Variants in COL26A1 observed in about 807,000 individuals in gnomAD.
The protein encoded by COL26A1 is collagen type XXVI alpha 1 chain.
COL26A1 carries 41 observed loss-of-function variants against 59.3 expected under a neutral mutation model. The observed-to-expected ratio is 0.69, with a 90% CI of 0.54 to 0.90. COL26A1 has a LOEUF of 0.90. COL26A1 is among the 40% of genes least tolerant of loss of function. The pLI is 0.00. For synonymous variants in COL26A1, 266 were observed against 256.0 expected (o/e 1.04, Z -0.37); for missense variants, 612 against 602.3 (o/e 1.02, Z -0.17).
intron 3 of COL26A1, among the ~76,000 whole-genome samples, chr7:101,492,402 A>G (rs1330886681): frequency 6.6e-6 from 1 of 152,030 alleles, no homozygotes; most frequent in Non-Finnish European, 1.5e-5. Context: ...TTATTTTTTA[A>G]AATAGAGTTG....
rs182947998 is a variant in COL26A1, at chr7:101,478,308, C to T, written c.385+30521C>T. Among the ~76,000 whole-genome samples, 26 of 152,324 alleles carry T rather than the reference C, an allele frequency of 1.7e-4. No homozygotes were observed. The East Asian group carries it at 4.8e-3, about 28-fold the overall frequency. On this transcript the variant is annotated intron_variant, in intron 3 of 12. Transcript: ENST00000313669. ...TTGATATCTTTTAAGAAAACACAAA[C>T]CTTTCTGTGACTTGAGGTGCGGTTT...
intron 2 of COL26A1, among the ~76,000 whole-genome samples, chr7:101,427,740 A>G (rs1792681801): frequency 6.6e-6 from 1 of 152,038 alleles, no homozygotes; most frequent in South Asian, 2.1e-4. Context: ...TCCTGGCCTC[A>G]AGTGATCCAC....
At chr7:101,446,118 C>T (rs544657415) in intron 2 of COL26A1, among the ~76,000 whole-genome samples, 13 of 148,970 alleles carry the variant, frequency 8.7e-5, no homozygotes, top group African/African-American at 2.9e-4. Flanking sequence ...CCAGATGTCA[C>T]GTGAACTGAG....
At chr7:101,452,147 T>A (rs1407881914) in intron 3 of COL26A1, among the ~76,000 whole-genome samples, 1 of 152,190 alleles carries the variant, frequency 6.6e-6, no homozygotes, top group East Asian at 1.9e-4. Context: ...CATGAGATAG[T>A]GCTGTAGCCT....
At chr7:101,432,594 G>T (rs1023509875) in intron 2 of COL26A1, among the ~76,000 whole-genome samples, 2 of 152,196 alleles carry the variant, frequency 1.3e-5, no homozygotes, top group Admixed American at 6.6e-5. Context: ...CCATCCATAG[G>T]GAAAGGGTAT....
At chr7:101,477,454 G>A (rs1386754445) in intron 3 of COL26A1, among the ~76,000 whole-genome samples, 1 of 152,180 alleles carries the variant, frequency 6.6e-6, no homozygotes, top group Non-Finnish European at 1.5e-5. Flanking sequence ...TCTTGGGCTG[G>A]TTGGATCTGC....
intron 1 of COL26A1, among the ~76,000 whole-genome samples, chr7:101,406,412 G>A (rs1792130313): frequency 6.6e-6 from 1 of 152,206 alleles, no homozygotes; most frequent in African/African-American, 2.4e-5. Flanking sequence ...ATGAGTGATG[G>A]ACAGGAACAG....
At chr7:101,454,418 C>A (rs1762711005) in intron 3 of COL26A1, among the ~76,000 whole-genome samples, 1 of 151,892 alleles carries the variant, frequency 6.6e-6, no homozygotes, top group Non-Finnish European at 1.5e-5. Context: ...GCCACCACAC[C>A]CAGCTAATTT....
rs1013278369 is a variant in COL26A1, at chr7:101,551,053, C to T, written c.994-55C>T. ...CGGGGAGGGGGGTGGCCAGAGGGCA[C>T]TGGAGACTTGGCCAGGACCGGCAGG... On this transcript the variant is annotated intron_variant, in intron 9 of 12. Coordinates refer to ENST00000313669, the MANE Select transcript of COL26A1 (RefSeq NM_001278563.3). 2.3e-5 allele frequency: 35 copies of T among 1,542,916 alleles called. No individual in the cohort carries two copies. In the Middle Eastern group the frequency reaches 6.7e-4, roughly 29 times the overall value.
At chr7:101,482,319 C>G (rs1794174162) in intron 3 of COL26A1, among the ~76,000 whole-genome samples, 1 of 152,118 alleles carries the variant, frequency 6.6e-6, no homozygotes, top group African/African-American at 2.4e-5. Context: ...CCTTCTTTTT[C>G]CTTTTTATTG....
At chr7:101,414,514 T>C (rs1411726297) in intron 1 of COL26A1, among the ~76,000 whole-genome samples, 1 of 151,946 alleles carries the variant, frequency 6.6e-6, no homozygotes, top group African/African-American at 2.4e-5. Context: ...CTCGGCTCAC[T>C]GCAACCTCTA....
chr7:101,491,083 A>G (rs537413151), intron 3 of COL26A1, among the ~76,000 whole-genome samples: 3 of 148,314 alleles, frequency 2.0e-5, no homozygotes, highest in Non-Finnish European at 4.5e-5. Context: ...GTGTGAGGCA[A>G]AAAAAAAAAG....
chr7:101,552,440 C>T (rs1421084184), intron 10 of COL26A1, among the ~76,000 whole-genome samples: 3 of 151,964 alleles, frequency 2.0e-5, no homozygotes, highest in Non-Finnish European at 2.9e-5. Flanking sequence ...TGAGACCCAC[C>T]CCCATCTCTA....
intron 1 of COL26A1, among the ~76,000 whole-genome samples, chr7:101,401,600 GAGT>G (rs1204472344): frequency 1.5e-4 from 22 of 150,876 alleles, no homozygotes; most frequent in African/African-American, 5.1e-4. Context: ...GGAAGAGGAA[GAGT>G]AGGAGGAAGA....
intron 3 of COL26A1, among the ~76,000 whole-genome samples, chr7:101,473,181 G>A (rs918335737): frequency 2.0e-5 from 3 of 151,632 alleles, no homozygotes; most frequent in South Asian, 2.1e-4. Context: ...CTGGGTTCAC[G>A]CCATTCTTCC....
At position 101,539,949 on chromosome 7, in the gene COL26A1, C is replaced by T. The variant is rs781088081; in HGVS notation, c.504C>T (p.Ala168=). 1.2e-6 allele frequency: 2 copies of T among 1,613,788 alleles called. No individual in the cohort carries two copies. The highest frequency in any genetic ancestry group is 1.7e-5 in the Admixed American group (1 of 60,014). ...RPSSPDNDLP[A]PESTPPTWNE... ...CCAGCCCGGACAACGACCTGCCAGC[C>T]CCCGAGAGCACTCCGCCGACCTGGA... Residue 168 remains alanine (A), a synonymous_variant, in exon 5 of 13, where the codon GCC becomes GCT. Transcript: ENST00000313669.
intron 10 of COL26A1, 124 bp downstream of exon 10, chr7:101,551,267 A>G (rs1036258990): frequency 2.0e-6 from 2 of 1,020,484 alleles, no homozygotes; most frequent in Non-Finnish European, 2.9e-6. Context: ...GCTGGAGCTC[A>G]GGCAACAGGG....
chr7:101,372,048 A>G (rs904379805), intron 1 of COL26A1, among the ~76,000 whole-genome samples: 1 of 152,156 alleles, frequency 6.6e-6, no homozygotes, highest in African/African-American at 2.4e-5. Flanking sequence ...GTTCTTAGGA[A>G]AAAGGATAGT....
At chr7:101,528,671 C>T (rs535952829) in intron 3 of COL26A1, among the ~76,000 whole-genome samples, 260 of 152,102 alleles carry the variant, frequency 1.7e-3, no homozygotes, top group African/African-American at 6.0e-3. Context: ...CCTCAGCCTC[C>T]AAAGTAGCTG....
Sources: allele counts gnomAD v4.1 joint callset (sites outside exome capture counted in the v4.1 genomes callset), GRCh38; gene constraint gnomAD v4.1.1; transcripts MANE v1.5; gene names NCBI Gene and HGNC (gene_info 2026-07-23, HGNC 2026-07-21).